RFTN2: variants seen among roughly 807,000 people sequenced by gnomAD.
RFTN2 encodes raftlin family member 2.
RFTN2 carries 34 observed loss-of-function variants against 52.7 expected under a neutral mutation model. The ratio of observed to expected loss-of-function variants is 0.64; its 90% CI spans 0.49 to 0.86. The LOEUF is 0.86. Among genes scored for constraint, RFTN2 ranks in the 40% least tolerant of loss-of-function variants. RFTN2 has a pLI of 0.00. For synonymous variants in RFTN2, 203 were observed against 217.7 expected (o/e 0.93, Z 0.59); for missense variants, 536 against 600.1 (o/e 0.89, Z 1.12).
chr2:197,625,350 A>G (rs1348773442), intron 5 of RFTN2, among the ~76,000 whole-genome samples: 1 of 152,112 alleles, frequency 6.6e-6, no homozygotes, highest in Non-Finnish European at 1.5e-5. Context: ...TTTTCTGGAC[A>G]TGTCTTGTCT....
intron 7 of RFTN2, among the ~76,000 whole-genome samples, chr2:197,600,062 C>T (rs1421067736): frequency 6.6e-6 from 1 of 151,890 alleles, no homozygotes; most frequent in African/African-American, 2.4e-5. Flanking sequence ...TTTCACCATG[C>T]TGGCCAGGCT....
intron 8 of RFTN2, among the ~76,000 whole-genome samples, chr2:197,590,218 T>C (rs1428007767): frequency 1.3e-5 from 2 of 152,176 alleles, no homozygotes; most frequent in African/African-American, 4.8e-5. Context: ...AAAAACTCTT[T>C]GCCTAACTCC....
intron 7 of RFTN2, among the ~76,000 whole-genome samples, chr2:197,608,122 C>T (rs1232147417): frequency 1.3e-5 from 2 of 152,138 alleles, no homozygotes; most frequent in African/African-American, 4.8e-5. Flanking sequence ...TCTGCTTTGG[C>T]TGCCACATGA....
intron 8 of RFTN2, among the ~76,000 whole-genome samples, chr2:197,578,194 A>G (rs1309119436): frequency 6.6e-6 from 1 of 152,182 alleles, no homozygotes; most frequent in Non-Finnish European, 1.5e-5. Flanking sequence ...GCCAAGTCTC[A>G]CACACTTAAC....
rs1559335143 is a variant in RFTN2 at position 197,575,792 on chromosome 2, T to TTC, written c.1234-3513_1234-3512insGA. Among the ~76,000 whole-genome samples the TTC allele has an allele frequency of 2.9e-3, 404 of 141,474 alleles. 2 individuals are homozygous for TTC. The highest frequency in any genetic ancestry group is 3.6e-3 in the Middle Eastern group (1 of 278). 92.8% of individuals were successfully genotyped at this position (141,474 alleles called of 152,430 possible). ...TAATATATATTCTATATATAATATA[T>TTC]TATATATATTTTATATACATAATAT... is the stretch of plus-strand genomic sequence containing the variant. On this transcript the variant is annotated intron_variant, in intron 8 of 8. Transcript: ENST00000295049.
chr2:197,652,358 T>C (rs560833793), intron 1 of RFTN2, among the ~76,000 whole-genome samples: 1 of 152,274 alleles, frequency 6.6e-6, no homozygotes, highest in African/African-American at 2.4e-5. Context: ...TAGCACTTGC[T>C]TAAGAAATGC....
chr2:197,599,177 G>A (rs929143152), intron 7 of RFTN2, among the ~76,000 whole-genome samples: 3 of 151,996 alleles, frequency 2.0e-5, no homozygotes, highest in African/African-American at 7.3e-5. Context: ...CTGACCTTGT[G>A]ATCCGCCCAC....
intron 1 of RFTN2, among the ~76,000 whole-genome samples, chr2:197,659,016 G>T (rs564868464): frequency 6.6e-6 from 1 of 151,990 alleles, no homozygotes; most frequent in African/African-American, 2.4e-5. Context: ...CATAGACAAA[G>T]ATCAAATTTT....
At position 197,576,294 on chromosome 2, in the gene RFTN2, G is replaced by A. The variant is rs150030078; in HGVS notation, c.1234-4014C>T. Among the ~76,000 whole-genome samples the A allele has an allele frequency of 5.8e-3, 884 of 152,188 alleles. 7 individuals are homozygous for A. The highest frequency in any genetic ancestry group is 0.01 in the Non-Finnish European group (707 of 68,026). ...GTGCTGGGATTACTGGTGTGAGGCA[G>A]TACCACTGTGAGTCAGTGGTGTGGT... On this transcript the variant is annotated intron_variant, in intron 8 of 8. Transcript: ENST00000295049.
chr2:197,579,701 G>T (rs946246597), intron 8 of RFTN2, among the ~76,000 whole-genome samples: 8 of 151,848 alleles, frequency 5.3e-5, no homozygotes, highest in African/African-American at 1.9e-4. Flanking sequence ...CCAACCCCAA[G>T]CATCACTGAG....
intron 4 of RFTN2, among the ~76,000 whole-genome samples, chr2:197,632,034 TGA>T (rs1391243364): frequency 6.6e-6 from 1 of 152,190 alleles, no homozygotes; most frequent in African/African-American, 2.4e-5. Flanking sequence ...TTAAAAATAC[TGA>T]GAGAGAGGAA....
intron 7 of RFTN2, among the ~76,000 whole-genome samples, chr2:197,604,740 C>CTATTTATTTATT (rs111347809): frequency 6.6e-6 from 1 of 150,452 alleles, no homozygotes; most frequent in South Asian, 2.1e-4. Flanking sequence ...TATGCACATT[C>CTATTTATTTATT]TATTTATTTA....
chr2:197,672,844 A>T (rs1029763063), intron 1 of RFTN2, among the ~76,000 whole-genome samples: 2 of 152,130 alleles, frequency 1.3e-5, no homozygotes, highest in African/African-American at 4.8e-5. Flanking sequence ...AAAGAAAAAG[A>T]AAAGTGTGGG....
At chr2:197,640,050 CA>C (rs2088636361) in intron 3 of RFTN2, among the ~76,000 whole-genome samples, 1 of 152,208 alleles carries the variant, frequency 6.6e-6, no homozygotes, top group Admixed American at 6.5e-5. Context: ...TTAGGCTGCT[CA>C]GGGGTCAGGG....
intron 8 of RFTN2, among the ~76,000 whole-genome samples, chr2:197,576,821 T>C (rs2087427565): frequency 6.6e-6 from 1 of 152,148 alleles, no homozygotes; most frequent in South Asian, 2.1e-4. Context: ...ATCTTTTTCT[T>C]GGCCAAGTTA....
At chr2:197,598,318 T>C (rs1303147123) in intron 7 of RFTN2, among the ~76,000 whole-genome samples, 4 of 151,902 alleles carry the variant, frequency 2.6e-5, no homozygotes, top group Non-Finnish European at 4.4e-5. Flanking sequence ...AGAACCTATC[T>C]TAAAAGAAAG....
Position 197,651,096 on chromosome 2 carries a change from C to G in RFTN2, c.140-4430G>C, listed in dbSNP as rs527413363. On this transcript the variant is annotated intron_variant, in intron 1 of 8. Transcript: ENST00000295049. ...GAGAACTGTCTGTTCAAACCCTTTG[C>G]TCATTTAAAAATTGGGTTGTTTCTT... is the stretch of plus-strand genomic sequence containing the variant. Among the ~76,000 whole-genome samples, 13 of 152,284 alleles carry G rather than the reference C, an allele frequency of 8.5e-5. No individual in the cohort carries two copies. The South Asian group carries it at 2.7e-3, about 32-fold the overall frequency.
At chr2:197,576,133 T>A (rs1243348658) in intron 8 of RFTN2, among the ~76,000 whole-genome samples, 1 of 151,764 alleles carries the variant, frequency 6.6e-6, no homozygotes. Flanking sequence ...CTCAGCCTCC[T>A]GAGTAGCTGG....
intron 5 of RFTN2, among the ~76,000 whole-genome samples, chr2:197,620,345 A>T (rs1195891363): frequency 6.6e-6 from 1 of 152,044 alleles, no homozygotes; most frequent in African/African-American, 2.4e-5. Context: ...GATTTTATGG[A>T]AGTTCTTTTG....
Sources: allele counts gnomAD v4.1 joint callset (sites outside exome capture counted in the v4.1 genomes callset), GRCh38; gene constraint gnomAD v4.1.1; transcripts MANE v1.5; gene names NCBI Gene and HGNC (gene_info 2026-07-23, HGNC 2026-07-21).